Variants in KIFC3 observed in about 807,000 individuals in gnomAD.
KIFC3 encodes kinesin family member C3.
A neutral mutation model predicts 101.8 loss-of-function variants in KIFC3; 60 were observed. The observed-to-expected ratio is 0.59, with a 90% CI of 0.48 to 0.73. The LOEUF is 0.73. Ranked by LOEUF, KIFC3 falls within the 30% of genes least tolerant of loss-of-function variation. The probability of loss-of-function intolerance (pLI) is 0.00; values close to 1 mark genes in which losing one functional copy is unlikely to be tolerated. For missense variants in KIFC3, 966 were observed against 1,137.1 expected, an observed-to-expected ratio of 0.85 and a Z score of 2.16; for synonymous variants, 476 against 482.7, an observed-to-expected ratio of 0.99 and a Z score of 0.18.
chr16:57,806,931 G>A (rs1342529747), upstream of KIFC3, among the ~76,000 whole-genome samples: 2 of 152,182 alleles, frequency 1.3e-5, no homozygotes, highest in South Asian at 2.1e-4. Context: ...AAAGAACTAC[G>A]GAGGAGGCTG....
At chr16:57,765,702 T>C (rs559690529) in intron 10 of KIFC3, 62 bp from the exon 11 acceptor site, 4 of 1,478,668 alleles carry the variant, frequency 2.7e-6, no homozygotes, top group Non-Finnish European at 3.7e-6. Context: ...TCCATTCTGG[T>C]CCACTGGTGT....
intron 1 of KIFC3, among the ~76,000 whole-genome samples, chr16:57,846,876 G>A (rs1239208273): frequency 6.6e-6 from 1 of 152,098 alleles, no homozygotes; most frequent in East Asian, 1.9e-4. Flanking sequence ...TTTCCTTTGT[G>A]ATTCTGTGGC....
At position 57,772,592 on chromosome 16, in the gene KIFC3, C is replaced by T. The variant is rs530206254; in HGVS notation, c.316-304G>A. On this transcript the variant is annotated intron_variant, in intron 3 of 19. Coordinates refer to ENST00000445690, the MANE Select transcript of KIFC3 (RefSeq NM_001130100.2). ...CCCGATGCCCCCTGGGCCCACCCAA[C>T]GGCAGCCCACCCTCAGGACCCCTCA... Among the ~76,000 whole-genome samples, 9 of 152,240 alleles carry T rather than the reference C, an allele frequency of 5.9e-5. 1 individual carries two copies. The South Asian group carries it at 6.2e-4, about 11-fold the overall frequency.
rs546058195 is a variant in KIFC3, at chr16:57,789,632, A to C, written c.315+5367T>G. Reference sequence around the variant, plus strand: ...GAAAGTTCACAACAGAGAGAACGTGAGAAGAGGGGAAAGGAGGTGGCCTTA... The same window carrying C: ...GAAAGTTCACAACAGAGAGAACGTGCGAAGAGGGGAAAGGAGGTGGCCTTA... On this transcript the variant is annotated intron_variant, in intron 3 of 19. Transcript: ENST00000445690. Among the ~76,000 whole-genome samples the C allele has an allele frequency of 2.6e-5, 4 of 152,356 alleles. No individual in the cohort carries two copies. The South Asian group carries it at 8.3e-4, about 32-fold the overall frequency.
At chr16:57,797,229 C>T (rs1318394415) in intron 2 of KIFC3, among the ~76,000 whole-genome samples, 1 of 152,230 alleles carries the variant, frequency 6.6e-6, no homozygotes, top group Non-Finnish European at 1.5e-5. Context: ...AGGGACTCTG[C>T]TAGCTCTCAC....
At chr16:57,855,961 C>A (rs866945434) in intron 1 of KIFC3, among the ~76,000 whole-genome samples, 36 of 143,900 alleles carry the variant, frequency 2.5e-4, no homozygotes, top group Admixed American at 1.6e-3. Flanking sequence ...AAAAAAAAAA[C>A]CAAAAACAAA....
At chr16:57,823,946 G>C (rs1555630326) in intron 1 of KIFC3, among the ~76,000 whole-genome samples, 1 of 152,056 alleles carries the variant, frequency 6.6e-6, no homozygotes, top group East Asian at 1.9e-4. Flanking sequence ...AATACTTGAG[G>C]AATCTATAGA....
intron 1 of KIFC3, among the ~76,000 whole-genome samples, chr16:57,801,649 C>CA (rs782089281): frequency 7.9e-5 from 12 of 152,344 alleles, no homozygotes; most frequent in Non-Finnish European, 1.5e-4. Context: ...AATCTTGAGA[C>CA]AGTGTTGGGG....
chr16:57,774,494 A>T (rs1555610689), intron 3 of KIFC3, among the ~76,000 whole-genome samples: 3 of 151,928 alleles, frequency 2.0e-5, no homozygotes, highest in Non-Finnish European at 4.4e-5. Flanking sequence ...GTGGAATTAT[A>T]GTTGACAAAA....
intron 1 of KIFC3, chr16:57,862,722 C>T (rs1427777641): frequency 7.9e-7 from 1 of 1,263,688 alleles, no homozygotes; most frequent in African/African-American, 1.5e-5. Context: ...CCCAGCCAGG[C>T]CCTTACCTTG....
chr16:57,782,163 C>T (rs1056847497), intron 3 of KIFC3: 2 of 984,432 alleles, frequency 2.0e-6, no homozygotes, highest in African/African-American at 3.5e-5. Flanking sequence ...CCACACATTA[C>T]AGTTGACCAT....
Position 57,848,760 on chromosome 16 carries a change from T to C in KIFC3, c.108+13969A>G, listed in dbSNP as rs550754182. The stretch of plus-strand genomic sequence containing the variant: ...GGGTTTTTAACAAAAAGATTTAGCA[T>C]GTCTTAGGACTTAATGCATGTGCCA... On this transcript the variant is annotated intron_variant, in intron 1 of 2. Transcript: ENST00000563028. 1.7e-3 allele frequency among the ~76,000 whole-genome samples: 259 copies of C among 152,344 alleles called. 1 individual carries two copies. The highest frequency in any genetic ancestry group is 1.9e-3 in the Non-Finnish European group (129 of 68,028).
At chr16:57,815,492 GGC>G in intron 1 of KIFC3, 1 of 1,249,684 alleles carries the variant, frequency 8.0e-7, no homozygotes, top group South Asian at 1.3e-5. Flanking sequence ...CCCCCAACCT[GGC>G]TGATCTGGGA....
intron 1 of KIFC3, among the ~76,000 whole-genome samples, chr16:57,831,264 C>T (rs946587070): frequency 3.9e-5 from 6 of 152,216 alleles, no homozygotes; most frequent in East Asian, 1.9e-4. Flanking sequence ...GCTAACCCCA[C>T]GGGGGGTTCT....
At chr16:57,780,068 TCCGTTCA>T (rs1555613627) in intron 3 of KIFC3, 1 of 152,186 alleles carries the variant, frequency 6.6e-6, no homozygotes, top group Admixed American at 6.5e-5. Flanking sequence ...CACCCCATGA[TCCGTTCA>T]CCTCTCACCA....
chr16:57,834,009 C>G (rs1034632546), intron 1 of KIFC3, among the ~76,000 whole-genome samples: 2 of 151,442 alleles, frequency 1.3e-5, no homozygotes, highest in African/African-American at 4.9e-5. Context: ...ATTACAGGCG[C>G]GTGCCACCAC....
chr16:57,788,221 G>A (rs1248616171), intron 3 of KIFC3, among the ~76,000 whole-genome samples: 1 of 152,202 alleles, frequency 6.6e-6, no homozygotes, highest in Non-Finnish European at 1.5e-5. Flanking sequence ...TCTCTCTGCA[G>A]GTGGTGGCGT....
chr16:57,804,232 T>C (rs1297969039), upstream of KIFC3, among the ~76,000 whole-genome samples: 6 of 152,354 alleles, frequency 3.9e-5, no homozygotes, highest in East Asian at 7.7e-4. Context: ...AAGTCTTTTT[T>C]TTTCCTGTGT....
intron 3 of KIFC3, among the ~76,000 whole-genome samples, chr16:57,774,523 ATTTT>A (rs201606601): frequency 6.8e-6 from 1 of 146,960 alleles, no homozygotes; most frequent in Non-Finnish European, 1.5e-5. Context: ...CTTTTCAGTA[ATTTT>A]TTTTTTTCTT....
Sources: allele counts gnomAD v4.1 joint callset (sites outside exome capture counted in the v4.1 genomes callset), GRCh38; gene constraint gnomAD v4.1.1; transcripts MANE v1.5; gene names NCBI Gene and HGNC (gene_info 2026-07-23, HGNC 2026-07-21).